The following USP50 variants were observed in gnomAD, a reference collection of about 807,000 sequenced individuals.
USP50 encodes the protein ubiquitin carboxyl-terminal hydrolase 50.
A neutral mutation model predicts 39.2 loss-of-function variants in USP50; 37 were observed. That is an observed-to-expected ratio of 0.94 (90% CI 0.73 to 1.24). The LOEUF (loss-of-function observed/expected upper bound fraction) is 1.24, where lower values mean the gene tolerates loss of function less well. USP50 is among the 50% of genes most tolerant of loss of function. The probability of loss-of-function intolerance (pLI) is 0.00; values close to 1 mark genes in which losing one functional copy is unlikely to be tolerated. For synonymous variants in USP50, 139 were observed against 144.5 expected, an observed-to-expected ratio of 0.96 and a Z score of 0.27; for missense variants, 374 against 398.2, an observed-to-expected ratio of 0.94 and a Z score of 0.52.
At chr15:50,499,162 A>G, downstream of USP50, 1 of 1,430,380 alleles carries the variant, frequency 7.0e-7, no homozygotes, top group Non-Finnish European at 9.3e-7. Context: ...TATCAGGATA[A>G]TGGTAGCTAT....
At chr15:50,537,196 C>A (rs776915340) in intron 5 of USP50, among the ~76,000 whole-genome samples, 3 of 151,550 alleles carry the variant, frequency 2.0e-5, no homozygotes, top group Non-Finnish European at 4.4e-5. Context: ...AAAAGATGAC[C>A]TTTTTCAACA....
Position 50,539,113 on chromosome 15 carries a change from GT to G in USP50, c.661-263del, listed in dbSNP as rs58459024. Among the ~76,000 whole-genome samples the G allele has an allele frequency of 6.6e-3, 906 of 136,976 alleles. 19 individuals carry two copies. Among genetic ancestry groups the G allele is most frequent in the East Asian group, 0.028 (134 of 4,762 alleles). 89.9% of individuals were successfully genotyped at this position (136,976 alleles called of 152,430 possible). On this transcript the variant is annotated intron_variant, in intron 4 of 6. Transcript: ENST00000532404. Reference sequence around the variant, plus strand: ...CTAGAAATCAGTTTTTTTTGGTTTTGTTTTTTTTTTTTTTGAGATGGAGTCT... The same window carrying G: ...CTAGAAATCAGTTTTTTTTGGTTTTGTTTTTTTTTTTTTGAGATGGAGTCT...
chr15:50,535,860 G>A (rs1347859497), intron 5 of USP50, among the ~76,000 whole-genome samples: 1 of 151,874 alleles, frequency 6.6e-6, no homozygotes, highest in Non-Finnish European at 1.5e-5. Flanking sequence ...CACATAATTA[G>A]GTTAAAGGAA....
At chr15:50,546,083 G>T (rs753046554) in intron 1 of USP50, among the ~76,000 whole-genome samples, 1 of 151,726 alleles carries the variant, frequency 6.6e-6, no homozygotes, top group East Asian at 1.9e-4. Context: ...ACAATTTTTT[G>T]TATTGTGCCA....
chr15:50,521,069 G>T (rs1364010391), intron 6 of USP50, among the ~76,000 whole-genome samples: 2 of 152,042 alleles, frequency 1.3e-5, no homozygotes, highest in African/African-American at 4.8e-5. Flanking sequence ...TGAGATGGAG[G>T]TTTGCTCCGT....
chr15:50,519,460 A>G (rs1220203187), intron 6 of USP50, among the ~76,000 whole-genome samples: 2 of 152,204 alleles, frequency 1.3e-5, no homozygotes, highest in African/African-American at 4.8e-5. Context: ...CACGCCTGTA[A>G]TCCCAGCACT....
chr15:50,494,405 G>A, intron 1 of USP50: 1 of 740,240 alleles, frequency 1.4e-6, no homozygotes, highest in Non-Finnish European at 2.1e-6. Flanking sequence ...AATAGTGACT[G>A]TATAAGAGAA....
chr15:50,498,531 TAATG>T (rs2141331827), downstream of USP50: 1 of 1,484,032 alleles, frequency 6.7e-7, no homozygotes, highest in South Asian at 1.5e-5. Context: ...ATCTAGATGT[TAATG>T]AATGAGGATT....
chr15:50,537,948 G>GGGAAGGGAAC (rs2052994749), intron 5 of USP50, among the ~76,000 whole-genome samples: 1 of 141,692 alleles, frequency 7.1e-6, no homozygotes, highest in Non-Finnish European at 1.5e-5. Context: ...GGGAAGGGAA[G>GGGAAGGGAAC]GGAAGGGAAG....
intron 6 of USP50, chr15:50,512,823 A>G (rs1449153247): frequency 6.6e-6 from 1 of 152,104 alleles, no homozygotes; most frequent in Admixed American, 6.6e-5. Context: ...AACAAAAAAC[A>G]CAACTGAACA....
rs116787794 is a variant in USP50, at chr15:50,544,094, G to A, written c.249-301C>T. The A allele has an allele frequency of 7.6e-3, 2,696 of 354,422 alleles. 73 individuals are homozygous for A. Among genetic ancestry groups the A allele is most frequent in the African/African-American group, 0.051 (2,476 of 48,716 alleles). 22.0% of individuals were successfully genotyped at this position (354,422 alleles called of 1,614,324 possible). ...TGTAATGCCAGCACTTTGGGGGGCC[G>A]AGGTGGTAGGTTGGGAGGGGTGGAT... On this transcript the variant is annotated intron_variant, in intron 2 of 6. Coordinates refer to ENST00000532404, the MANE Select transcript of USP50 (RefSeq NM_203494.5).
chr15:50,532,310 T>G, intron 5 of USP50: 1 of 439,486 alleles, frequency 2.3e-6, no homozygotes, highest in Non-Finnish European at 4.6e-6. Context: ...AGAAACTCAT[T>G]AACCAGAGCC....
intron 5 of USP50, 30 bp downstream of exon 5, chr15:50,538,679 A>T (rs72740407): frequency 0.038 from 58,896 of 1,543,014 alleles, 1,375 homozygotes; most frequent in Middle Eastern, 0.088. Flanking sequence ...GTTCGAAAAT[A>T]TGTGCCCACA....
At chr15:50,506,978 A>T (rs1236997793) in intron 6 of USP50, 1 of 152,702 alleles carries the variant, frequency 6.5e-6, no homozygotes, top group East Asian at 1.9e-4. Flanking sequence ...AAAAAAAAAA[A>T]AAAAAAAAAA....
chr15:50,522,521 A>T (rs1042694407), intron 6 of USP50, among the ~76,000 whole-genome samples: 4 of 152,178 alleles, frequency 2.6e-5, no homozygotes, highest in African/African-American at 9.7e-5. Flanking sequence ...ACCAGAGAGA[A>T]TTTTATGAGG....
At chr15:50,506,082 C>G (rs2052654317) in intron 6 of USP50, 1 of 152,230 alleles carries the variant, frequency 6.6e-6, no homozygotes, top group Non-Finnish European at 1.5e-5. Context: ...AGTATGAAAG[C>G]TGTCGTTTTT....
Position 50,543,632 on chromosome 15 carries a change from C to A in USP50, c.410G>T (p.Cys137Phe). Residue 137 changes from cysteine to phenylalanine, a missense_variant, in exon 3 of 7, where the codon TGT (cysteine) becomes TTT (phenylalanine). Coordinates refer to ENST00000532404, the MANE Select transcript of USP50 (RefSeq NM_203494.5). ...MQQDAQEFLI[C>F]VLNELHEALK... ...AGCTTCATGAAGTTCATTTAGGACA[C>A]AAATCAAGAATTCCTGAGCATCTTG... The A allele has an allele frequency of 6.2e-7, 1 of 1,613,704 alleles. No individual in the cohort carries two copies.
chr15:50,541,309 T>TA (rs2053028430), intron 3 of USP50, 45 bp from the exon 4 acceptor site: 5 of 1,535,236 alleles, frequency 3.3e-6, no homozygotes, highest in Non-Finnish European at 4.5e-6. Context: ...ATTGGTTATT[T>TA]AAAAAAGACT....
Position 50,546,437 on chromosome 15 carries a change from G to A in USP50, c.53+36C>T, listed in dbSNP as rs748779623. ...TCTGAGCTTGACTTTCCCACCACTG[G>A]GCTAATCTAGAAAGCTGTAGTAGAT... On this transcript the variant is annotated intron_variant, in intron 1 of 6. Transcript: ENST00000532404. 2.5e-6 allele frequency: 4 copies of A among 1,610,554 alleles called. No homozygotes were observed. In the South Asian group the frequency reaches 4.4e-5, roughly 18 times the overall value.
Sources: allele counts gnomAD v4.1 joint callset (sites outside exome capture counted in the v4.1 genomes callset), GRCh38; gene constraint gnomAD v4.1.1; transcripts MANE v1.5; gene names NCBI Gene and HGNC (gene_info 2026-07-23, HGNC 2026-07-21).